Variants in RUNDC3B observed in about 807,000 individuals in gnomAD.
RUNDC3B encodes RUN domain-containing protein 3B.
Under a neutral mutation model 58.4 loss-of-function variants are expected in RUNDC3B, and 33 were observed. That is an observed-to-expected ratio of 0.56 (90% CI 0.43 to 0.75). The LOEUF is 0.75. Among genes scored for constraint, RUNDC3B ranks in the 30% least tolerant of loss-of-function variants. The pLI is 0.00. For missense variants in RUNDC3B, 501 were observed against 535.7 expected, an observed-to-expected ratio of 0.94 and a Z score of 0.64; for synonymous variants, 193 against 195.2, an observed-to-expected ratio of 0.99 and a Z score of 0.10.
At chr7:87,645,185 C>T (rs1015329933) in intron 1 of RUNDC3B, among the ~76,000 whole-genome samples, 8 of 151,134 alleles carry the variant, frequency 5.3e-5, no homozygotes, top group Non-Finnish European at 1.2e-4. Flanking sequence ...TGGGTTCAAG[C>T]GATTCTCCTA....
intron 4 of RUNDC3B, among the ~76,000 whole-genome samples, chr7:87,722,806 C>T (rs1394924577): frequency 2.0e-5 from 3 of 152,284 alleles, no homozygotes; most frequent in East Asian, 3.9e-4. Context: ...GCTTATTGAA[C>T]TAGTTGGTAT....
intron 4 of RUNDC3B, among the ~76,000 whole-genome samples, chr7:87,725,207 A>G (rs1011287500): frequency 2.0e-5 from 3 of 152,154 alleles, no homozygotes; most frequent in Admixed American, 2.0e-4. Flanking sequence ...TGTCATTTAC[A>G]TTAGGTATAT....
Position 87,668,350 on chromosome 7 carries a change from C to T in RUNDC3B, c.238+17413C>T, listed in dbSNP as rs1825479999. Among the ~76,000 whole-genome samples, 3 of 151,900 alleles carry T rather than the reference C, an allele frequency of 2.0e-5. No homozygotes were observed. The South Asian group carries it at 6.2e-4, about 31-fold the overall frequency. On this transcript the variant is annotated intron_variant, in intron 2 of 10. Transcript: ENST00000394654. ...TAGTAACATTCCCTTTGTCATTTCT[C>T]ATTGTGTTTATTTGGAGCTTTTCTT... is the stretch of plus-strand genomic sequence containing the variant.
intron 7 of RUNDC3B, 136 bp downstream of exon 7, chr7:87,770,885 C>CCTG: frequency 1.8e-6 from 1 of 566,030 alleles, no homozygotes; most frequent in Non-Finnish European, 2.9e-6. Context: ...TTGTCCTCCT[C>CCTG]TTAATGAAAA....
At chr7:87,632,382 T>C (rs1013082976) in intron 1 of RUNDC3B, among the ~76,000 whole-genome samples, 1 of 152,206 alleles carries the variant, frequency 6.6e-6, no homozygotes, top group African/African-American at 2.4e-5. Flanking sequence ...TATATGTGTA[T>C]GTAATTCATT....
intron 2 of RUNDC3B, chr7:87,693,951 T>G (rs1563139252): frequency 6.2e-7 from 1 of 1,611,692 alleles, no homozygotes; most frequent in Admixed American, 1.7e-5. Context: ...TCCAAATACC[T>G]CTTCAAGGTA....
intron 1 of RUNDC3B, chr7:87,629,214 T>G (rs1214313988): frequency 2.8e-6 from 1 of 353,894 alleles, no homozygotes; most frequent in African/African-American, 2.1e-5. Context: ...TTGTTTTGAA[T>G]GTGCAATCTA....
At chr7:87,797,801 TTCC>T (rs1301294794) in intron 8 of RUNDC3B, among the ~76,000 whole-genome samples, 12 of 152,236 alleles carry the variant, frequency 7.9e-5, no homozygotes, top group Non-Finnish European at 1.3e-4. Context: ...TTTCTTATTT[TTCC>T]TCCTTTTATT....
At chr7:87,688,979 G>A (rs1351926261) in intron 2 of RUNDC3B, among the ~76,000 whole-genome samples, 1 of 151,920 alleles carries the variant, frequency 6.6e-6, no homozygotes, top group Non-Finnish European at 1.5e-5. Context: ...TACAGAATGA[G>A]AGATTTATTA....
chr7:87,810,680 C>T (rs924120318), intron 9 of RUNDC3B, among the ~76,000 whole-genome samples: 1 of 152,116 alleles, frequency 6.6e-6, no homozygotes, highest in Non-Finnish European at 1.5e-5. Context: ...ATTTATTTCT[C>T]TTTACTATGC....
intron 1 of RUNDC3B, among the ~76,000 whole-genome samples, chr7:87,640,597 G>A (rs544493557): frequency 6.6e-6 from 1 of 152,198 alleles, no homozygotes; most frequent in Admixed American, 6.5e-5. Flanking sequence ...CTCCTGCCTG[G>A]GCCTCCAAAA....
chr7:87,720,542 A>ATGTGTG (rs3028189), intron 4 of RUNDC3B, among the ~76,000 whole-genome samples: 4,764 of 145,222 alleles, frequency 0.033, 83 homozygotes, highest in Middle Eastern at 0.048. Context: ...GATAGGATAT[A>ATGTGTG]TGTGTGTGTG....
rs1820875631 is a variant in RUNDC3B, at chr7:87,628,802, G to A, written c.-22G>A. On this transcript the variant is annotated 5_prime_UTR_variant, in exon 1 of 11. Transcript: ENST00000394654. ...GCGTGCGGGGTGGCACGAGACAAAAGGGGCACGGGGGTAAGCCCGCCATGG... is the reference window on the plus strand; with the variant it reads ...GCGTGCGGGGTGGCACGAGACAAAAAGGGCACGGGGGTAAGCCCGCCATGG... The A allele has an allele frequency of 8.2e-7, 1 of 1,223,968 alleles. No individual in the cohort carries two copies. Among genetic ancestry groups the A allele is most frequent in the Non-Finnish European group, 1.0e-6 (1 of 966,498 alleles). The allele number at this position is 1,223,968 out of a possible 1,614,324, so 75.8% of individuals were successfully genotyped here.
intron 4 of RUNDC3B, among the ~76,000 whole-genome samples, chr7:87,712,439 A>C (rs1830172731): frequency 6.6e-6 from 1 of 152,236 alleles, no homozygotes; most frequent in Admixed American, 6.5e-5. Context: ...AAATCTAAAA[A>C]TCCTACATTA....
chr7:87,736,211 A>G (rs1380484637), intron 4 of RUNDC3B, among the ~76,000 whole-genome samples: 1 of 152,196 alleles, frequency 6.6e-6, no homozygotes, highest in African/African-American at 2.4e-5. Context: ...GGTTTATAAG[A>G]CAAGCTTTCT....
chr7:87,679,993 A>G (rs553168071), intron 2 of RUNDC3B, among the ~76,000 whole-genome samples: 1 of 150,620 alleles, frequency 6.6e-6, no homozygotes, highest in East Asian at 2.0e-4. Context: ...TGTCACCTAC[A>G]TTAGGTATTT....
At chr7:87,793,019 C>A (rs2130909474) in intron 8 of RUNDC3B, among the ~76,000 whole-genome samples, 1 of 152,096 alleles carries the variant, frequency 6.6e-6, no homozygotes, top group Middle Eastern at 3.4e-3. Flanking sequence ...GAAGACATTA[C>A]AACTGATTCT....
At chr7:87,632,747 A>C (rs1821352946) in intron 1 of RUNDC3B, among the ~76,000 whole-genome samples, 1 of 152,200 alleles carries the variant, frequency 6.6e-6, no homozygotes, top group Non-Finnish European at 1.5e-5. Flanking sequence ...AACCTTATAT[A>C]GTCCTTTGAT....
At chr7:87,821,711 G>C (rs1259062560) in intron 10 of RUNDC3B, among the ~76,000 whole-genome samples, 1 of 152,118 alleles carries the variant, frequency 6.6e-6, no homozygotes, top group African/African-American at 2.4e-5. Flanking sequence ...CAATGGAACA[G>C]AACAGAACCC....
Sources: gnomAD v4.1 joint callset for allele counts (sites outside exome capture counted in the v4.1 genomes callset) on GRCh38, gnomAD v4.1.1 for gene constraint, MANE v1.5 for transcripts, NCBI Gene and HGNC (gene_info 2026-07-23, HGNC 2026-07-21) for gene names.